Variants in GABRA6 observed in about 807,000 individuals in gnomAD.
GABRA6 encodes the protein gamma-aminobutyric acid receptor subunit alpha-6.
Under a neutral mutation model 47.3 loss-of-function variants are expected in GABRA6, and 45 were observed. The observed-to-expected ratio is 0.95, with a 90% confidence interval of 0.75 to 1.22. The LOEUF (loss-of-function observed/expected upper bound fraction) is 1.22. Among genes scored for constraint, GABRA6 ranks in the 50% most tolerant of loss-of-function variants. GABRA6 has a pLI of 0.00. For missense variants in GABRA6, 583 were observed against 549.3 expected (o/e 1.06, Z -0.61); for synonymous variants, 219 against 194.7 (o/e 1.12, Z -1.04).
chr5:161,692,917 A>G (rs1231835185), intron 8 of GABRA6, among the ~76,000 whole-genome samples: 1 of 152,192 alleles, frequency 6.6e-6, no homozygotes, highest in Non-Finnish European at 1.5e-5. Context: ...CCAGATTTCA[A>G]TTTTGCATAA....
Position 161,689,264 on chromosome 5 carries a change from A to G in GABRA6, c.457A>G (p.Asn153Asp), listed in dbSNP as rs559600075. ...TILYTMRLTI[N>D]ADCPMRLVNF... is the part of the protein sequence containing the mutation. ...TTTCAATGTTTCTAGGCTTACCATC[A>G]ATGCTGACTGTCCCATGAGGCTGGT... The change falls in exon 5 of 9, where the codon AAT (asparagine) becomes GAT (aspartate). Residue 153 changes from asparagine (N) to aspartate (D), a missense_variant. Physicochemically the swap from Asn to Asp is conservative, Grantham distance 23. Transcript: ENST00000274545. The G allele has an allele frequency of 4.3e-6, 7 of 1,614,040 alleles. No individual in the cohort carries two copies. The South Asian group carries it at 6.6e-5, about 15-fold the overall frequency.
At chr5:161,687,601 A>G (rs1292434402) in intron 3 of GABRA6, 1 of 450,968 alleles carries the variant, frequency 2.2e-6, no homozygotes, top group African/African-American at 2.0e-5. Context: ...TTTTAGAACA[A>G]AGTGTATCAT....
rs1754766961 is a variant in GABRA6, at chr5:161,690,136, A to T, written c.674-65A>T. 10 of 1,445,924 alleles carry T rather than the reference A, an allele frequency of 6.9e-6. No individual in the cohort carries two copies. In the South Asian group the frequency reaches 1.0e-4, roughly 15 times the overall value. The allele number at this position is 1,445,924 out of a possible 1,614,324, so 89.6% of individuals were successfully genotyped here. Reference sequence around the variant, plus strand: ...TAATTTAAAAGTTGTCAAGATTTATATTCAACTGCATTCTTTTTGCAGACT... The same window carrying T: ...TAATTTAAAAGTTGTCAAGATTTATTTTCAACTGCATTCTTTTTGCAGACT... On this transcript the variant is annotated intron_variant, in intron 6 of 8. Coordinates refer to ENST00000274545, the MANE Select transcript of GABRA6 (RefSeq NM_000811.3).
At chr5:161,701,145 C>A (rs767026266) in intron 8 of GABRA6, among the ~76,000 whole-genome samples, 52 of 152,136 alleles carry the variant, frequency 3.4e-4, no homozygotes, top group Non-Finnish European at 5.6e-4. Flanking sequence ...AACCCATTGC[C>A]CTACAGACTA....
In GABRA6 at chr5:161,689,254, G is replaced by A; in HGVS notation, c.447G>A (p.Arg149=). 1 of 1,613,892 alleles carries A rather than the reference G, an allele frequency of 6.2e-7. No homozygotes were observed. Among genetic ancestry groups the A allele is most frequent in the Non-Finnish European group, 8.5e-7 (1 of 1,179,858 alleles). The change falls in exon 5 of 9, where the codon AGG becomes AGA. Residue 149 remains arginine, a splice_region_variant and synonymous_variant. Coordinates refer to ENST00000274545, the MANE Select transcript of GABRA6 (RefSeq NM_000811.3). ...GAACCGTTGATTTCAATGTTTCTAG[G>A]CTTACCATCAATGCTGACTGTCCCA... The part of the protein sequence containing the change: ...MQNGTILYTM[R]LTINADCPMR...
chr5:161,701,940 C>T lies in GABRA6; in HGVS notation c.*167C>T, dbSNP rs900590626. On this transcript the variant is annotated 3_prime_UTR_variant, in exon 9 of 9. Transcript: ENST00000274545. Reference sequence around the variant, plus strand: ...ATGTGTGGGCAAAAAAGCAATAATCCTACTCCTCAAAATAGAAAGTTGAAG... The same window carrying T: ...ATGTGTGGGCAAAAAAGCAATAATCTTACTCCTCAAAATAGAAAGTTGAAG... 2.9e-6 allele frequency: 2 copies of T among 683,380 alleles called. No homozygotes were observed. Among genetic ancestry groups the T allele is most frequent in the Non-Finnish European group, 4.9e-6 (2 of 405,594 alleles). The allele number at this position is 683,380 out of a possible 1,614,324, so 42.3% of individuals were successfully genotyped here.
rs753819257 is a variant in GABRA6 at position 161,689,172 on chromosome 5, G to A, written c.446+3G>A. On this transcript the variant is annotated splice_donor_region_variant and intron_variant, in intron 4 of 8. Coordinates refer to ENST00000274545, the MANE Select transcript of GABRA6 (RefSeq NM_000811.3). ...GGAACCATTTTATACACCATGAGGTGAGGTTTCTCCAATTCTATTTCCCCT... is the reference window on the plus strand; with the variant it reads ...GGAACCATTTTATACACCATGAGGTAAGGTTTCTCCAATTCTATTTCCCCT... The A allele has an allele frequency of 1.2e-6, 2 of 1,613,252 alleles. No individual in the cohort carries two copies. The highest frequency in any genetic ancestry group is 3.3e-5 in the Admixed American group (2 of 60,006).
Position 161,694,871 on chromosome 5 carries a change from G to C in GABRA6, c.1086+2671G>C, listed in dbSNP as rs577591095. Among the ~76,000 whole-genome samples, 16 of 152,186 alleles carry C rather than the reference G, an allele frequency of 1.1e-4. No homozygotes were observed. In the East Asian group the frequency reaches 3.1e-3, roughly 29 times the overall value. On this transcript the variant is annotated intron_variant, in intron 8 of 8. Coordinates refer to ENST00000274545, the MANE Select transcript of GABRA6 (RefSeq NM_000811.3). The stretch of plus-strand genomic sequence containing the variant: ...TAGGACATTTGCATTACATTTGTTC[G>C]TGTCAAACCTTGGCAAGTTGTCTTA...
chr5:161,692,328 C>A (rs985852920), intron 8 of GABRA6, 128 bp downstream of exon 8: 2 of 1,066,412 alleles, frequency 1.9e-6, no homozygotes, highest in East Asian at 4.9e-5. Context: ...GTTTCAAGAG[C>A]AAGGCCAGTT....
intron 8 of GABRA6, among the ~76,000 whole-genome samples, chr5:161,699,349 G>A (rs1229421399): frequency 1.3e-5 from 2 of 152,082 alleles, no homozygotes; most frequent in South Asian, 2.1e-4. Context: ...TTTAGAGGGT[G>A]AAACAGTGAC....
intron 1 of GABRA6, 27 bp downstream of exon 1, chr5:161,686,054 T>G: frequency 6.2e-7 from 1 of 1,609,876 alleles, no homozygotes; most frequent in Non-Finnish European, 8.5e-7. Context: ...TTCCTGATTT[T>G]TCTTTTTATC....
intron 6 of GABRA6, 123 bp downstream of exon 6, chr5:161,689,902 A>C: frequency 1.0e-6 from 1 of 996,720 alleles, no homozygotes; most frequent in Non-Finnish European, 1.5e-6. Flanking sequence ...TTTTGCAGTG[A>C]TGAGTAGCTT....
rs151130234 is a variant in GABRA6 at position 161,698,648 on chromosome 5, C to G, written c.1087-2850C>G. Among the ~76,000 whole-genome samples the G allele has an allele frequency of 7.1e-3, 1,085 of 151,876 alleles. 7 individuals are homozygous for G. The highest frequency in any genetic ancestry group is 0.013 in the Non-Finnish European group (895 of 67,956). The stretch of plus-strand genomic sequence containing the variant: ...AAGTTACTTGTTAAGTAATATTTGT[C>G]CCTACCTTCACAGAAACTTGAAGCT... On this transcript the variant is annotated intron_variant, in intron 8 of 8. Coordinates refer to ENST00000274545, the MANE Select transcript of GABRA6 (RefSeq NM_000811.3).
intron 8 of GABRA6, among the ~76,000 whole-genome samples, chr5:161,700,375 G>C (rs1432593093): frequency 6.6e-6 from 1 of 152,200 alleles, no homozygotes; most frequent in Non-Finnish European, 1.5e-5. Context: ...GAAGGCAGAG[G>C]CCCAGCAAAG....
chr5:161,699,236 TCTG>T (rs1754936526), intron 8 of GABRA6, among the ~76,000 whole-genome samples: 1 of 152,096 alleles, frequency 6.6e-6, no homozygotes, highest in Admixed American at 6.6e-5. Context: ...AGAAAGAAAA[TCTG>T]CTCTGAAGGC....
intron 8 of GABRA6, among the ~76,000 whole-genome samples, chr5:161,701,104 C>T (rs1295945379): frequency 6.6e-6 from 1 of 152,122 alleles, no homozygotes; most frequent in Admixed American, 6.5e-5. Context: ...AATTGGAATT[C>T]ACCCCTCCTC....
chr5:161,690,701 G>C (rs1302730640), intron 7 of GABRA6, among the ~76,000 whole-genome samples: 1 of 152,114 alleles, frequency 6.6e-6, no homozygotes. Context: ...ATTGAACACA[G>C]TAATACATAG....
intron 3 of GABRA6, among the ~76,000 whole-genome samples, chr5:161,688,568 G>C (rs1196976881): frequency 6.6e-6 from 1 of 152,148 alleles, no homozygotes; most frequent in Non-Finnish European, 1.5e-5. Flanking sequence ...GTGCAAAGGG[G>C]AATAGTTAGT....
At chr5:161,692,282 A>C in intron 8 of GABRA6, 82 bp downstream of exon 8, 1 of 1,544,482 alleles carries the variant, frequency 6.5e-7, no homozygotes, top group Non-Finnish European at 8.9e-7. Flanking sequence ...AAGTGTCCAA[A>C]AGTAATGTGA....
Sources: allele counts gnomAD v4.1 joint callset (sites outside exome capture counted in the v4.1 genomes callset), GRCh38; gene constraint gnomAD v4.1.1; transcripts MANE v1.5; gene names NCBI Gene and HGNC (gene_info 2026-07-23, HGNC 2026-07-21).